Variants in SASH1 observed in about 807,000 individuals in gnomAD.
SASH1 encodes the protein SAM and SH3 domain containing 1.
Under a neutral mutation model 125.2 loss-of-function variants are expected in SASH1, and 44 were observed. That is an observed-to-expected ratio of 0.35 (90% CI 0.28 to 0.45). The LOEUF is 0.45. Ranked by LOEUF, SASH1 falls within the 20% of genes least tolerant of loss-of-function variation. The probability of loss-of-function intolerance (pLI) is 1.00; values close to 1 mark genes in which losing one functional copy is unlikely to be tolerated. For synonymous variants in SASH1, 639 were observed against 649.1 expected (o/e 0.98, Z 0.24); for missense variants, 1,426 against 1,614.5 (o/e 0.88, Z 2.00).
chr6:148,428,044 T>C (rs1775901261), intron 2 of SASH1, among the ~76,000 whole-genome samples: 1 of 152,186 alleles, frequency 6.6e-6, no homozygotes, highest in Admixed American at 6.5e-5. Flanking sequence ...AAGAGCCATT[T>C]TCCTATGGCT....
intron 4 of SASH1, among the ~76,000 whole-genome samples, chr6:148,453,616 G>A (rs1157073497): frequency 6.6e-6 from 1 of 152,146 alleles, no homozygotes; most frequent in Non-Finnish European, 1.5e-5. Context: ...AAAGACTGGG[G>A]TGCTCGGAGA....
At chr6:148,441,742 G>A (rs543483466) in intron 4 of SASH1, among the ~76,000 whole-genome samples, 1 of 152,300 alleles carries the variant, frequency 6.6e-6, no homozygotes, top group East Asian at 1.9e-4. Flanking sequence ...CTAAGAGGAA[G>A]TGACTCACCA....
At chr6:148,303,396 G>T (rs940069604) in intron 1 of SASH1, among the ~76,000 whole-genome samples, 6 of 152,104 alleles carry the variant, frequency 3.9e-5, no homozygotes, top group African/African-American at 1.2e-4. Context: ...TATAAAATAA[G>T]ACTCAAGATA....
intron 1 of SASH1, among the ~76,000 whole-genome samples, chr6:148,374,381 A>G (rs9373558): frequency 1.3e-5 from 2 of 152,032 alleles, no homozygotes; most frequent in Non-Finnish European, 2.9e-5. Flanking sequence ...TAATTCTTCA[A>G]TGAAATGAAT....
chr6:148,299,671 G>GAAAGAAA (rs1248322551), intron 1 of SASH1, among the ~76,000 whole-genome samples: 1 of 114,978 alleles, frequency 8.7e-6, no homozygotes, highest in African/African-American at 3.2e-5. Flanking sequence ...CACCTCAAAA[G>GAAAGAAA]AAAAAAAAAA....
At chr6:148,331,011 T>C (rs1183025309) in intron 1 of SASH1, among the ~76,000 whole-genome samples, 2 of 152,194 alleles carry the variant, frequency 1.3e-5, no homozygotes, top group African/African-American at 4.8e-5. Context: ...TCATATAATC[T>C]TACGGTTCTC....
chr6:148,362,240 T>C (rs1364892393), intron 1 of SASH1, among the ~76,000 whole-genome samples: 1 of 150,796 alleles, frequency 6.6e-6, no homozygotes, highest in East Asian at 1.9e-4. Flanking sequence ...TTTTTTTTTT[T>C]GAGATGGAGT....
chr6:148,417,762 A>G (rs35085592), intron 2 of SASH1, among the ~76,000 whole-genome samples: 7,628 of 152,174 alleles, frequency 0.05, 243 homozygotes, highest in Non-Finnish European at 0.073. Context: ...TTCCTACCTT[A>G]TAAGTTTTTT....
At chr6:148,327,419 G>T (rs887667388) in intron 1 of SASH1, among the ~76,000 whole-genome samples, 1 of 151,426 alleles carries the variant, frequency 6.6e-6, no homozygotes, top group Admixed American at 6.6e-5. Flanking sequence ...CAAGTAGCTG[G>T]GACCATAGGC....
intron 4 of SASH1, among the ~76,000 whole-genome samples, chr6:148,452,031 G>A (rs1335451715): frequency 2.0e-5 from 3 of 152,178 alleles, no homozygotes; most frequent in Admixed American, 1.3e-4. Flanking sequence ...TCTGCCCCAC[G>A]GAGGTGGATG....
chr6:148,363,935 T>C (rs1037147824), intron 1 of SASH1, among the ~76,000 whole-genome samples: 1 of 152,184 alleles, frequency 6.6e-6, no homozygotes, highest in Non-Finnish European at 1.5e-5. Flanking sequence ...TTAATTAAAC[T>C]CTAATGGGAC....
chr6:148,353,435 ATTTTTTTTTT>A (rs377513066), intron 1 of SASH1, among the ~76,000 whole-genome samples: 1 of 108,800 alleles, frequency 9.2e-6, no homozygotes, highest in African/African-American at 3.6e-5. Flanking sequence ...TTTAAGATTG[ATTTTTTTTTT>A]TTTTTTTTTT....
At chr6:148,263,962 C>T in the SASH1 span, among the ~76,000 whole-genome samples, 1 of 152,238 alleles carries the variant, frequency 6.6e-6, no homozygotes, top group East Asian at 1.9e-4. Context: ...GAAAGTAACA[C>T]TTGTACGACA....
the SASH1 span, among the ~76,000 whole-genome samples, chr6:148,235,746 T>C: frequency 1.9e-4 from 29 of 152,290 alleles, no homozygotes; most frequent in African/African-American, 6.7e-4. Flanking sequence ...GGAGAAGTCT[T>C]GCGAGTTAAG....
upstream of SASH1, among the ~76,000 whole-genome samples, chr6:148,341,427 C>G (rs979788870): frequency 6.6e-6 from 1 of 151,378 alleles, no homozygotes; most frequent in African/African-American, 2.4e-5. Context: ...CCCGCCTCAG[C>G]CTCCCAAAGT....
At chr6:148,315,853 A>G (rs902312519) in intron 1 of SASH1, among the ~76,000 whole-genome samples, 4 of 152,194 alleles carry the variant, frequency 2.6e-5, no homozygotes, top group Admixed American at 6.5e-5. Context: ...TCAGTGAGCC[A>G]TGATTTTGCC....
chr6:148,313,505 G>A (rs1483781793), intron 1 of SASH1, among the ~76,000 whole-genome samples: 1 of 152,150 alleles, frequency 6.6e-6, no homozygotes, highest in African/African-American at 2.4e-5. Context: ...AAAGATTTCT[G>A]GCAAAGAAGG....
intron 2 of SASH1, among the ~76,000 whole-genome samples, chr6:148,425,540 A>G (rs1208950335): frequency 1.3e-5 from 2 of 152,232 alleles, no homozygotes; most frequent in Non-Finnish European, 2.9e-5. Context: ...TCTTTCAAGC[A>G]TATAGACAGT....
chr6:148,512,219 C>T (rs1431141149), intron 8 of SASH1, among the ~76,000 whole-genome samples: 1 of 152,074 alleles, frequency 6.6e-6, no homozygotes, highest in East Asian at 1.9e-4. Flanking sequence ...GGGGTTTCAC[C>T]GTGTTAGCCG....
Sources: gnomAD v4.1 joint callset for allele counts (sites outside exome capture counted in the v4.1 genomes callset) on GRCh38, gnomAD v4.1.1 for gene constraint, MANE v1.5 for transcripts, NCBI Gene and HGNC (gene_info 2026-07-23, HGNC 2026-07-21) for gene names.